DLG2: variants seen among roughly 807,000 people sequenced by gnomAD.
DLG2 encodes the protein discs large MAGUK scaffold protein 2.
Under a neutral mutation model 132.5 loss-of-function variants are expected in DLG2, and 45 were observed. The observed-to-expected ratio is 0.34, with a 90% CI of 0.27 to 0.44. The LOEUF (loss-of-function observed/expected upper bound fraction) is 0.44, where lower values mean the gene tolerates loss of function less well. Ranked by LOEUF, DLG2 falls within the 20% of genes least tolerant of loss-of-function variation. The pLI is 1.00. For synonymous variants in DLG2, 424 were observed against 419.6 expected (o/e 1.01, Z -0.13); for missense variants, 1,045 against 1,196.9 (o/e 0.87, Z 1.87).
chr11:84,650,658 T>C (rs2099680393), intron 6 of DLG2, among the ~76,000 whole-genome samples: 1 of 152,054 alleles, frequency 6.6e-6, no homozygotes, highest in African/African-American at 2.4e-5. Flanking sequence ...GCTATGCTCC[T>C]TCTTGCTTAA....
rs538619549 is a variant in DLG2 at position 84,651,446 on chromosome 11, A to T, written c.358-116715T>A. Among the ~76,000 whole-genome samples, 3 of 152,278 alleles carry T rather than the reference A, an allele frequency of 2.0e-5. No individual in the cohort carries two copies. The South Asian group carries it at 6.2e-4, about 32-fold the overall frequency. On this transcript the variant is annotated intron_variant, in intron 6 of 27. Transcript: ENST00000376104. ...TTCATACTAAGATGTTCAGATCCAG[A>T]TCCAGAAAACTTTTCAGAGTTCACA... is the stretch of plus-strand genomic sequence containing the variant.
chr11:84,625,021 C>G (rs933976484), intron 6 of DLG2, among the ~76,000 whole-genome samples: 1 of 149,688 alleles, frequency 6.7e-6, no homozygotes, highest in Admixed American at 6.6e-5. Context: ...CCACTACGCC[C>G]GGCTAATTTT....
intron 8 of DLG2, among the ~76,000 whole-genome samples, chr11:84,213,170 C>T (rs543099233): frequency 2.6e-5 from 4 of 152,284 alleles, no homozygotes; most frequent in African/African-American, 9.6e-5. Flanking sequence ...GGAAATCTTC[C>T]ATTGCCACCC....
intron 6 of DLG2, among the ~76,000 whole-genome samples, chr11:84,548,215 C>T (rs1447276148): frequency 6.6e-6 from 1 of 152,080 alleles, no homozygotes; most frequent in Admixed American, 6.6e-5. Flanking sequence ...ACTGCCAGCA[C>T]TGAGTCAGAG....
At chr11:83,759,046 A>G (rs2093778944) in intron 18 of DLG2, among the ~76,000 whole-genome samples, 2 of 152,246 alleles carry the variant, frequency 1.3e-5, no homozygotes, top group African/African-American at 2.4e-5. Flanking sequence ...AGAGATATAC[A>G]TTGAATATCT....
intron 7 of DLG2, among the ~76,000 whole-genome samples, chr11:84,343,856 T>C (rs1470612641): frequency 1.3e-5 from 2 of 152,146 alleles, no homozygotes; most frequent in African/African-American, 4.8e-5. Context: ...CAGTAAAAAA[T>C]TGTCTTGAAA....
intron 6 of DLG2, among the ~76,000 whole-genome samples, chr11:84,709,653 A>T (rs1222342994): frequency 6.6e-6 from 1 of 151,868 alleles, no homozygotes; most frequent in Non-Finnish European, 1.5e-5. Flanking sequence ...CCTGCCCAAG[A>T]GCATACACAG....
At chr11:84,534,389 T>C (rs998505682) in intron 7 of DLG2, among the ~76,000 whole-genome samples, 181 bp downstream of exon 7, 6 of 152,108 alleles carry the variant, frequency 3.9e-5, no homozygotes, top group Admixed American at 3.9e-4. Flanking sequence ...ACAATTGCAA[T>C]AAAAATATGT....
At chr11:83,981,302 T>C (rs952951860) in intron 11 of DLG2, among the ~76,000 whole-genome samples, 34 of 152,260 alleles carry the variant, frequency 2.2e-4, no homozygotes, top group African/African-American at 7.9e-4. Context: ...TTATTGTTAT[T>C]AACTGATTAA....
chr11:83,546,761 T>A (rs918460469), intron 19 of DLG2, among the ~76,000 whole-genome samples: 1 of 152,144 alleles, frequency 6.6e-6, no homozygotes, highest in African/African-American at 2.4e-5. Flanking sequence ...ATTTCATGAT[T>A]TGATGATAAC....
intron 3 of DLG2, among the ~76,000 whole-genome samples, chr11:85,383,147 A>G (rs2086034989): frequency 1.3e-5 from 2 of 152,208 alleles, no homozygotes; most frequent in African/African-American, 4.8e-5. Context: ...TTATTCAGCA[A>G]TAAAACAGAA....
Position 85,539,446 on chromosome 11 carries a change from T to C in DLG2, c.40+59211A>G, listed in dbSNP as rs144783554. ...AGGAATGCTAGAAGAATTGAGGAAATATTTCCTCCCCTATGACAGAAAGTA... is the reference window on the plus strand; with the variant it reads ...AGGAATGCTAGAAGAATTGAGGAAACATTTCCTCCCCTATGACAGAAAGTA... On this transcript the variant is annotated intron_variant, in intron 3 of 27. Coordinates refer to ENST00000376104, the MANE Select transcript of DLG2 (RefSeq NM_001142699.3). Among the ~76,000 whole-genome samples, 1,302 of 152,306 alleles carry C rather than the reference T, an allele frequency of 8.5e-3. 50 individuals are homozygous for C. The highest frequency in any genetic ancestry group is 0.066 in the Admixed American group (1,005 of 15,288).
chr11:84,583,963 A>G (rs2099522808), intron 6 of DLG2, among the ~76,000 whole-genome samples: 1 of 152,146 alleles, frequency 6.6e-6, no homozygotes, highest in Non-Finnish European at 1.5e-5. Context: ...CTGTTGATAT[A>G]AATTTGTATT....
At chr11:83,858,699 G>C (rs1023547613) in intron 16 of DLG2, among the ~76,000 whole-genome samples, 3 of 152,150 alleles carry the variant, frequency 2.0e-5, no homozygotes, top group African/African-American at 7.2e-5. Flanking sequence ...TGACACACAA[G>C]GCCAGGTAAT....
intron 6 of DLG2, among the ~76,000 whole-genome samples, chr11:84,649,763 C>T (rs1204130815): frequency 1.3e-5 from 2 of 152,170 alleles, no homozygotes; most frequent in Non-Finnish European, 2.9e-5. Flanking sequence ...CTGAGACTGC[C>T]TGTGGCATGG....
intron 11 of DLG2, among the ~76,000 whole-genome samples, chr11:84,016,266 T>C (rs111745900): frequency 0.081 from 12,372 of 152,256 alleles, 583 homozygotes; most frequent in South Asian, 0.12. Context: ...TCCTTACAGA[T>C]ACTGGATATT....
chr11:85,529,502 T>C (rs1463454439), intron 3 of DLG2, among the ~76,000 whole-genome samples: 1 of 152,180 alleles, frequency 6.6e-6, no homozygotes, highest in African/African-American at 2.4e-5. Context: ...CTAGTAGTCA[T>C]CTGATAGAAA....
chr11:84,551,135 T>C (rs891626124), intron 6 of DLG2, among the ~76,000 whole-genome samples: 3 of 152,190 alleles, frequency 2.0e-5, no homozygotes, highest in South Asian at 2.1e-4. Flanking sequence ...GCCCTATTAC[T>C]AGTGTGTTCC....
intron 11 of DLG2, among the ~76,000 whole-genome samples, chr11:83,990,120 A>G (rs182299912): frequency 6.5e-4 from 99 of 152,298 alleles, no homozygotes; most frequent in Non-Finnish European, 1.2e-3. Context: ...AACAAAGCTG[A>G]CACAGAAAAA....
Sources: allele counts gnomAD v4.1 joint callset (sites outside exome capture counted in the v4.1 genomes callset), GRCh38; gene constraint gnomAD v4.1.1; transcripts MANE v1.5; gene names NCBI Gene and HGNC (gene_info 2026-07-23, HGNC 2026-07-21).